Variants in KIAA1217 observed in about 807,000 individuals in gnomAD.
KIAA1217 encodes sickle tail protein homolog.
KIAA1217 carries 88 observed loss-of-function variants against 163.9 expected under a neutral mutation model. The ratio of observed to expected loss-of-function variants is 0.54; its 90% CI spans 0.45 to 0.64. KIAA1217 has a LOEUF of 0.64. KIAA1217 is among the 30% of genes least tolerant of loss of function. The pLI, the probability that KIAA1217 is intolerant of heterozygous loss-of-function variation, is 0.00. For synonymous variants in KIAA1217, 903 were observed against 923.1 expected (o/e 0.98, Z 0.39); for missense variants, 2,372 against 2,475.0 (o/e 0.96, Z 0.88).
chr10:23,810,781 T>C (rs11013721), intron 1 of KIAA1217, among the ~76,000 whole-genome samples: 28 of 126,124 alleles, frequency 2.2e-4, no homozygotes, highest in African/African-American at 7.1e-4. Flanking sequence ...ATATACTAAT[T>C]ACACTAATTA....
At chr10:24,355,796 T>TGGA (rs2049027278) in intron 2 of KIAA1217, among the ~76,000 whole-genome samples, 1 of 125,504 alleles carries the variant, frequency 8.0e-6, no homozygotes, top group Non-Finnish European at 1.6e-5. Flanking sequence ...TCTCCCAGGC[T>TGGA]GGAGTACAGT....
At chr10:24,370,264 CAAAAAAA>C (rs5783891) in intron 2 of KIAA1217, among the ~76,000 whole-genome samples, 1 of 73,450 alleles carries the variant, frequency 1.4e-5, no homozygotes, top group African/African-American at 5.2e-5. Flanking sequence ...GACTCTGTCT[CAAAAAAA>C]AAAAAAAAAA....
chr10:24,087,529 T>C (rs1384995144), intron 2 of KIAA1217, among the ~76,000 whole-genome samples: 1 of 152,208 alleles, frequency 6.6e-6, no homozygotes, highest in African/African-American at 2.4e-5. Flanking sequence ...TTTTCTCTGC[T>C]CACAGAGTGC....
intron 3 of KIAA1217, among the ~76,000 whole-genome samples, chr10:24,423,604 CAT>C: frequency 6.6e-6 from 1 of 152,312 alleles, no homozygotes; most frequent in South Asian, 2.1e-4. Flanking sequence ...GGACTACAGG[CAT>C]GCACCACCAC....
chr10:23,939,251 A>G (rs1843657472), intron 1 of KIAA1217, among the ~76,000 whole-genome samples: 1 of 152,198 alleles, frequency 6.6e-6, no homozygotes, highest in Non-Finnish European at 1.5e-5. Flanking sequence ...CCAACAATAT[A>G]TTTTTAAAAT....
At chr10:23,858,108 G>C (rs1839785422) in intron 1 of KIAA1217, among the ~76,000 whole-genome samples, 1 of 152,006 alleles carries the variant, frequency 6.6e-6, no homozygotes, top group Non-Finnish European at 1.5e-5. Flanking sequence ...GGCCAGGAAA[G>C]GACAACTGTG....
intron 1 of KIAA1217, among the ~76,000 whole-genome samples, chr10:23,732,122 C>A (rs2130790097): frequency 6.6e-6 from 1 of 152,006 alleles, no homozygotes; most frequent in African/African-American, 2.4e-5. Context: ...AGAAAGTATT[C>A]CTTCTGCTTG....
chr10:24,053,306 T>C (rs951632560), intron 2 of KIAA1217, among the ~76,000 whole-genome samples: 1 of 152,174 alleles, frequency 6.6e-6, no homozygotes, highest in Non-Finnish European at 1.5e-5. Context: ...GTAATTCATA[T>C]TTATAAATAT....
At chr10:24,367,147 A>C in intron 2 of KIAA1217, 1 of 985,428 alleles carries the variant, frequency 1.0e-6, no homozygotes, top group Non-Finnish European at 1.2e-6. Flanking sequence ...ATCTCTCTTC[A>C]GGCAGAACTT....
rs574128389 is a variant in KIAA1217, at chr10:23,970,082, A to G, written c.-320-37143A>G. ...TCCCACCAGGTCTCTCCCACACCAC[A>G]TGGGAATTATGGGAGCTATAGTTCA... On this transcript the variant is annotated intron_variant, in intron 1 of 18. Coordinates refer to the KIAA1217 transcript ENST00000376462. 1.7e-3 allele frequency among the ~76,000 whole-genome samples: 256 copies of G among 152,286 alleles called. 1 individual carries two copies. Among genetic ancestry groups the G allele is most frequent in the African/African-American group, 5.7e-3 (235 of 41,558 alleles).
At chr10:23,791,901 G>A (rs1588829413) in intron 1 of KIAA1217, among the ~76,000 whole-genome samples, 1 of 152,078 alleles carries the variant, frequency 6.6e-6, no homozygotes, top group South Asian at 2.1e-4. Flanking sequence ...AGACACTGTC[G>A]ATGAAGACTA....
chr10:24,059,727 G>A (rs1294038720), intron 2 of KIAA1217, among the ~76,000 whole-genome samples: 1 of 152,026 alleles, frequency 6.6e-6, no homozygotes, highest in Admixed American at 6.6e-5. Flanking sequence ...ACAGGCACCC[G>A]CCACTGCACC....
Position 24,546,100 on chromosome 10 carries a change from A to G in KIAA1217, c.5608A>G (p.Thr1870Ala), listed in dbSNP as rs746875148. ...TTTGAAGTTTCAGAGCCTCACTCAT[A>G]CAGGTAAAGGTCACCATCTTTCATT... ...GSLKFQSLTH[T>A]GKGHHLSFSP... Residue 1870 changes from threonine (T) to alanine (A), a missense_variant, in exon 21 of 21, where the codon ACA (threonine) becomes GCA (alanine). Around this residue, in one of 3 missense-constraint regions of KIAA1217, gnomAD observed 690 missense variants for 677.5 expected, o/e 1.02. Coordinates refer to ENST00000376454, the MANE Select transcript of KIAA1217 (RefSeq NM_019590.5). The G allele has an allele frequency of 6.2e-7, 1 of 1,614,088 alleles. No individual in the cohort carries two copies. Among genetic ancestry groups the G allele is most frequent in the Non-Finnish European group, 8.5e-7 (1 of 1,180,010 alleles).
At chr10:23,860,039 G>A (rs980270753) in intron 1 of KIAA1217, among the ~76,000 whole-genome samples, 1 of 151,992 alleles carries the variant, frequency 6.6e-6, no homozygotes, top group African/African-American at 2.4e-5. Context: ...TGTATAGGAG[G>A]GCTGAGAGCG....
chr10:23,858,768 C>G (rs532684910), intron 1 of KIAA1217, among the ~76,000 whole-genome samples: 3 of 152,186 alleles, frequency 2.0e-5, no homozygotes, highest in Non-Finnish European at 4.4e-5. Flanking sequence ...TGCTGGTTCT[C>G]TGGGCGTGGT....
chr10:24,154,172 T>C (rs2064766155), intron 2 of KIAA1217, among the ~76,000 whole-genome samples: 1 of 151,816 alleles, frequency 6.6e-6, no homozygotes, highest in African/African-American at 2.4e-5. Context: ...TTAGCCGGGA[T>C]GGTCTCGATC....
chr10:23,697,996 T>A (rs995502049), intron 1 of KIAA1217, among the ~76,000 whole-genome samples: 7 of 152,246 alleles, frequency 4.6e-5, no homozygotes, highest in Non-Finnish European at 8.8e-5. Context: ...AATACTGGTT[T>A]TAGTTTTTGG....
chr10:24,494,835 A>G (rs2066580500), intron 7 of KIAA1217: 1 of 578,348 alleles, frequency 1.7e-6, no homozygotes, highest in Non-Finnish European at 3.0e-6. Flanking sequence ...CCAAGAAGGT[A>G]AATGGGCTTC....
intron 2 of KIAA1217, among the ~76,000 whole-genome samples, chr10:24,364,754 C>T (rs1019278612): frequency 6.6e-6 from 1 of 151,642 alleles, no homozygotes; most frequent in South Asian, 2.1e-4. Flanking sequence ...GCCTGCCTGC[C>T]TTCCTTCCTT....
Sources: allele counts gnomAD v4.1 joint callset (sites outside exome capture counted in the v4.1 genomes callset), GRCh38; gene constraint gnomAD v4.1.1; regional missense constraint gnomAD v4.1.1; transcripts MANE v1.5; gene names NCBI Gene and HGNC (gene_info 2026-07-23, HGNC 2026-07-21).